PHF14: variants seen among roughly 807,000 people sequenced by gnomAD.
The protein encoded by PHF14 is PHD finger protein 14.
Under a neutral mutation model 117.9 loss-of-function variants are expected in PHF14, and 55 were observed. The observed-to-expected ratio is 0.47, with a 90% confidence interval of 0.38 to 0.58. The LOEUF (loss-of-function observed/expected upper bound fraction) is 0.58, where lower values mean the gene tolerates loss of function less well. PHF14 is among the 20% of genes least tolerant of loss of function. The probability of loss-of-function intolerance (pLI) is 0.00; values close to 1 mark genes in which losing one functional copy is unlikely to be tolerated. For synonymous variants in PHF14, 409 were observed against 368.6 expected, an observed-to-expected ratio of 1.11 and a Z score of -1.26; for missense variants, 978 against 1,122.2, an observed-to-expected ratio of 0.87 and a Z score of 1.84.
At chr7:10,984,565 A>C (rs6943604) in intron 3 of PHF14, among the ~76,000 whole-genome samples, 107,776 of 152,080 alleles carry the variant, frequency 0.71, 39,161 homozygotes, top group African/African-American at 0.87. Flanking sequence ...TACTCTATAT[A>C]TAATGAATAA....
chr7:11,085,644 G>GT (rs1468452103), intron 16 of PHF14, among the ~76,000 whole-genome samples: 2 of 151,854 alleles, frequency 1.3e-5, no homozygotes, highest in African/African-American at 4.8e-5. Flanking sequence ...TCTTGGTTTT[G>GT]TTTTTTTCCT....
chr7:10,996,017 T>C (rs1583343383), intron 4 of PHF14, among the ~76,000 whole-genome samples: 1 of 152,010 alleles, frequency 6.6e-6, no homozygotes, highest in African/African-American at 2.4e-5. Context: ...GCGGCCAGAG[T>C]GGGCGCCAAG....
At chr7:11,089,916 C>T (rs1372373592) in intron 16 of PHF14, among the ~76,000 whole-genome samples, 1 of 152,044 alleles carries the variant, frequency 6.6e-6, no homozygotes, top group African/African-American at 2.4e-5. Context: ...GGATTACAGG[C>T]ATGTGCCGTC....
At chr7:11,016,232 T>G (rs1286738486) in intron 5 of PHF14, among the ~76,000 whole-genome samples, 1 of 152,186 alleles carries the variant, frequency 6.6e-6, no homozygotes, top group Non-Finnish European at 1.5e-5. Context: ...TACTGGAAAT[T>G]ATAGGCCTTC....
chr7:10,999,952 C>T (rs1782802827), intron 4 of PHF14, among the ~76,000 whole-genome samples: 1 of 152,166 alleles, frequency 6.6e-6, no homozygotes, highest in Non-Finnish European at 1.5e-5. Context: ...ATTCCTAAAA[C>T]TAATTCATTA....
At position 11,002,674 on chromosome 7, in the gene PHF14, C is replaced by T. The variant is rs1782919151; in HGVS notation, c.1046-11073C>T. On this transcript the variant is annotated intron_variant, in intron 4 of 17. Coordinates refer to ENST00000634607, the MANE Select transcript of PHF14 (RefSeq NM_001007157.2). ...GTCAGGCTGGTCTTGAACTCCCCCG[C>T]CTCTGGTGATCCACTCGCCTCTGCC... is the stretch of plus-strand genomic sequence containing the variant. 2.0e-5 allele frequency among the ~76,000 whole-genome samples: 3 copies of T among 152,214 alleles called. No individual in the cohort carries two copies. In the South Asian group the frequency reaches 6.2e-4, roughly 32 times the overall value.
At chr7:11,122,302 A>C (rs1373424342) in intron 17 of PHF14, among the ~76,000 whole-genome samples, 1 of 139,612 alleles carries the variant, frequency 7.2e-6, no homozygotes, top group African/African-American at 2.8e-5. Context: ...GCAAAACCAC[A>C]GTTAAGGGGA....
intron 17 of PHF14, among the ~76,000 whole-genome samples, chr7:11,120,927 C>G (rs1459627737): frequency 6.6e-6 from 1 of 151,966 alleles, no homozygotes; most frequent in East Asian, 1.9e-4. Context: ...AAGAAATATC[C>G]AAGAAATTTT....
chr7:10,988,016 C>CAAAA (rs60714759), intron 3 of PHF14, among the ~76,000 whole-genome samples: 7 of 115,628 alleles, frequency 6.1e-5, no homozygotes, highest in Admixed American at 3.8e-4. Flanking sequence ...AACTCCTTCT[C>CAAAA]AAAAAAAAAA....
At chr7:11,083,142 A>T (rs554414540) in intron 16 of PHF14, among the ~76,000 whole-genome samples, 3 of 152,328 alleles carry the variant, frequency 2.0e-5, no homozygotes, top group Admixed American at 6.5e-5. Flanking sequence ...CCAATGGGGA[A>T]AGGGCACAGG....
chr7:11,118,165 A>G (rs1787652282), intron 17 of PHF14, among the ~76,000 whole-genome samples: 1 of 151,942 alleles, frequency 6.6e-6, no homozygotes, highest in African/African-American at 2.4e-5. Context: ...TGTGTCCTAT[A>G]TTAGAATTAA....
intron 16 of PHF14, among the ~76,000 whole-genome samples, chr7:11,099,501 T>C (rs1253314685): frequency 2.6e-5 from 4 of 152,122 alleles, no homozygotes; most frequent in Admixed American, 2.6e-4. Context: ...TTCAAGCACC[T>C]ACAGCAGTGA....
chr7:11,007,101 C>T (rs1783139523), intron 4 of PHF14, among the ~76,000 whole-genome samples: 1 of 151,744 alleles, frequency 6.6e-6, no homozygotes, highest in African/African-American at 2.4e-5. Flanking sequence ...CGCTTGAACC[C>T]AGGAGGGCTT....
chr7:11,039,073 C>G (rs919380849), intron 11 of PHF14, among the ~76,000 whole-genome samples: 5 of 152,140 alleles, frequency 3.3e-5, no homozygotes, highest in African/African-American at 1.2e-4. Context: ...CAACAGCTAT[C>G]TTGTGTGCAA....
At chr7:11,134,568 T>G (rs1417402879) in intron 17 of PHF14, among the ~76,000 whole-genome samples, 1 of 151,968 alleles carries the variant, frequency 6.6e-6, no homozygotes, top group East Asian at 1.9e-4. Flanking sequence ...ATTTTACAGA[T>G]GAGGAAAGTG....
At chr7:11,026,660 AGT>A (rs1452185387) in intron 6 of PHF14, among the ~76,000 whole-genome samples, 1 of 151,312 alleles carries the variant, frequency 6.6e-6, no homozygotes, top group African/African-American at 2.4e-5. Flanking sequence ...GGTATGATTT[AGT>A]AGAAAGTGTC....
intron 17 of PHF14, among the ~76,000 whole-genome samples, chr7:11,119,997 G>C (rs1171230052): frequency 6.6e-6 from 1 of 151,846 alleles, no homozygotes; most frequent in Admixed American, 6.6e-5. Context: ...TGACATTTCT[G>C]AAATTAGATT....
At chr7:10,989,078 T>G (rs1782350997) in intron 3 of PHF14, among the ~76,000 whole-genome samples, 1 of 152,198 alleles carries the variant, frequency 6.6e-6, no homozygotes. Flanking sequence ...CTATTTTATT[T>G]GGTTTTATAA....
At chr7:11,027,139 A>G (rs139352043) in intron 6 of PHF14, among the ~76,000 whole-genome samples, 1 of 152,198 alleles carries the variant, frequency 6.6e-6, no homozygotes, top group Non-Finnish European at 1.5e-5. Flanking sequence ...CTCAATTTCA[A>G]CATATTACAT....
Sources: gnomAD v4.1 joint callset for allele counts (sites outside exome capture counted in the v4.1 genomes callset) on GRCh38, gnomAD v4.1.1 for gene constraint, MANE v1.5 for transcripts, NCBI Gene and HGNC (gene_info 2026-07-23, HGNC 2026-07-21) for gene names.